The following OR2A12 variants were observed in gnomAD, a reference collection of about 807,000 sequenced individuals.
OR2A12 encodes the protein olfactory receptor 2A12.
For synonymous variants in OR2A12, 153 were observed against 149.3 expected (o/e 1.02, Z -0.18); for missense variants, 380 against 372.5 (o/e 1.02, Z -0.17).
intron 1 of OR2A12, among the ~76,000 whole-genome samples, chr7:144,090,466 G>A (rs2051219805): frequency 1.3e-5 from 2 of 151,926 alleles, no homozygotes; most frequent in African/African-American, 4.8e-5. Flanking sequence ...TAAAAATTAA[G>A]ATGAGATAAA....
chr7:144,095,035 G>GT (rs1229143786), intron 1 of OR2A12, 22 bp from the exon 2 acceptor site: 5 of 1,019,388 alleles, frequency 4.9e-6, no homozygotes, highest in African/African-American at 3.2e-5. Context: ...ATAATGAAAT[G>GT]TTTTTTATTT....
At chr7:144,088,292 G>A (rs1007442292) in intron 1 of OR2A12, among the ~76,000 whole-genome samples, 1 of 152,192 alleles carries the variant, frequency 6.6e-6, no homozygotes, top group African/African-American at 2.4e-5. Context: ...GATTACAGGT[G>A]TGAGCCACCG....
chr7:144,096,951 G>A lies in OR2A12; in HGVS notation c.*911G>A, dbSNP rs868072261. The A allele has an allele frequency of 7.2e-5, 11 of 152,000 alleles. No homozygotes were observed. The highest frequency in any genetic ancestry group is 2.7e-4 in the African/African-American group (11 of 41,380). The allele number at this position is 152,000 out of a possible 1,614,324, so 9.4% of individuals were successfully genotyped here. On this transcript the variant is annotated 3_prime_UTR_variant, in exon 2 of 2. Coordinates refer to ENST00000641592, the MANE Select transcript of OR2A12 (RefSeq NM_001004135.2). ...GAATCAGACACAAAAAAAATCACTT[G>A]TTTTTCTTGATTTCACTTTTTACTA... is the stretch of plus-strand genomic sequence containing the variant.
chr7:144,090,250 G>T (rs1436953033), intron 1 of OR2A12, among the ~76,000 whole-genome samples: 4 of 151,820 alleles, frequency 2.6e-5, no homozygotes, highest in Admixed American at 6.6e-5. Flanking sequence ...TAAATTTTAA[G>T]AGAATATAAC....
At chr7:144,087,120 A>C (rs1317895270) in intron 1 of OR2A12, among the ~76,000 whole-genome samples, 1 of 152,158 alleles carries the variant, frequency 6.6e-6, no homozygotes, top group African/African-American at 2.4e-5. Flanking sequence ...CAAATGAAGG[A>C]GGTGAAGCTC....
chr7:144,093,584 C>T (rs1036637766), intron 1 of OR2A12, among the ~76,000 whole-genome samples: 3 of 151,298 alleles, frequency 2.0e-5, no homozygotes, highest in Non-Finnish European at 1.5e-5. Flanking sequence ...CCCATTAACT[C>T]GTCATTTACA....
chr7:144,097,141 C>G lies in OR2A12; in HGVS notation c.*1101C>G, dbSNP rs1461195430. The G allele has an allele frequency of 6.6e-6, 1 of 151,730 alleles. No homozygotes were observed. The highest frequency in any genetic ancestry group is 2.4e-5 in the African/African-American group (1 of 41,264). The allele number at this position is 151,730 out of a possible 1,614,324, so 9.4% of individuals were successfully genotyped here. A position where few individuals can be genotyped will look rare whatever the true frequency, so the allele number is the denominator to read the frequency against. ...GACATTACTGTATATGTAGGAAATT[C>G]AAAAGAATTATAAGAAATTTTAAAG... On this transcript the variant is annotated 3_prime_UTR_variant, in exon 2 of 2. Coordinates refer to ENST00000641592, the MANE Select transcript of OR2A12 (RefSeq NM_001004135.2).
chr7:144,098,580 T>C lies in OR2A12; in HGVS notation c.*2540T>C, dbSNP rs776235291. ...CATAATCAATGGAAAATATAGAGTT[T>C]AAAAAAATAGGTTCTCTGGCTCCAG... On this transcript the variant is annotated 3_prime_UTR_variant, in exon 2 of 2. Transcript: ENST00000641592. 2.0e-5 allele frequency: 3 copies of C among 152,052 alleles called. No homozygotes were observed. The highest frequency in any genetic ancestry group is 4.4e-5 in the Non-Finnish European group (3 of 68,006). The allele number at this position is 152,052 out of a possible 1,614,324, so 9.4% of individuals were successfully genotyped here.
intron 1 of OR2A12, among the ~76,000 whole-genome samples, 174 bp from the exon 2 acceptor site, chr7:144,094,883 C>T (rs1439748588): frequency 6.6e-6 from 1 of 152,098 alleles, no homozygotes; most frequent in Non-Finnish European, 1.5e-5. Flanking sequence ...ATCATGAAAT[C>T]GCCTAGTTTT....
rs1314527212 is a variant in OR2A12 at position 144,097,781 on chromosome 7, A to C, written c.*1741A>C. 2 of 152,208 alleles carry C rather than the reference A, an allele frequency of 1.3e-5. No homozygotes were observed. The highest frequency in any genetic ancestry group is 2.9e-5 in the Non-Finnish European group (2 of 68,034). The allele number at this position is 152,208 out of a possible 1,614,324, so 9.4% of individuals were successfully genotyped here. ...AAGCTTTGAAGTAAATGGTGTTGGG[A>C]CAACCAAGTCTTTATAAAGATATTC... On this transcript the variant is annotated 3_prime_UTR_variant, in exon 2 of 2. Coordinates refer to ENST00000641592, the MANE Select transcript of OR2A12 (RefSeq NM_001004135.2).
chr7:144,095,133 C>T lies in OR2A12; in HGVS notation c.26C>T (p.Thr9Ile). The T allele has an allele frequency of 6.2e-7, 1 of 1,610,964 alleles. No individual in the cohort carries two copies. The highest frequency in any genetic ancestry group is 8.5e-7 in the Non-Finnish European group (1 of 1,178,492). The change falls in exon 2 of 2, where the codon ACA becomes ATA. Residue 9 changes from threonine (T) to isoleucine (I), a missense_variant. Thr to Ile is a moderately conservative substitution (Grantham distance 89). Coordinates refer to ENST00000641592, the MANE Select transcript of OR2A12 (RefSeq NM_001004135.2). ...ATGGAAAGCAATCAGACCTGGATCA[C>T]AGAAGTCATCCTGTTGGGATTCCAG... Reference protein sequence around the residue: MESNQTWITEVILLGFQVD... With the variant: MESNQTWIIEVILLGFQVD...
At position 144,096,248 on chromosome 7, in the gene OR2A12, A is replaced by G. The variant is rs963216744; in HGVS notation, c.*208A>G. ...CCTGGGCGGATTACCTGAGGTCAGG[A>G]GTTCGAGACCAGCCTAACCAACATG... On this transcript the variant is annotated 3_prime_UTR_variant, in exon 2 of 2. Coordinates refer to ENST00000641592, the MANE Select transcript of OR2A12 (RefSeq NM_001004135.2). The G allele has an allele frequency of 1.4e-5, 6 of 432,934 alleles. No individual in the cohort carries two copies. Among genetic ancestry groups the G allele is most frequent in the African/African-American group, 1.2e-4 (6 of 49,884 alleles). 26.8% of individuals were successfully genotyped at this position (432,934 alleles called of 1,614,324 possible).
chr7:144,096,723 A>G lies in OR2A12; in HGVS notation c.*683A>G, dbSNP rs1173559272. 1 of 152,196 alleles carries G rather than the reference A, an allele frequency of 6.6e-6. No homozygotes were observed. The highest frequency in any genetic ancestry group is 6.5e-5 in the Admixed American group (1 of 15,274). 9.4% of individuals were successfully genotyped at this position (152,196 alleles called of 1,614,324 possible). On this transcript the variant is annotated 3_prime_UTR_variant, in exon 2 of 2. Transcript: ENST00000641592. ...CAAACAACAAAAATAACTTCCCCAC[A>G]TTAACAAATTAAAGAATACATTTCA...
chr7:144,092,424 G>C (rs1292225883), intron 1 of OR2A12, among the ~76,000 whole-genome samples: 4 of 151,926 alleles, frequency 2.6e-5, no homozygotes, highest in Non-Finnish European at 5.9e-5. Context: ...AATGCCATTA[G>C]GCAGTATGGC....
At position 144,096,133 on chromosome 7, in the gene OR2A12, A is replaced by C; in HGVS notation, c.*93A>C. The C allele has an allele frequency of 1.1e-6, 1 of 907,098 alleles. No individual in the cohort carries two copies. Among genetic ancestry groups the C allele is most frequent in the Non-Finnish European group, 1.7e-6 (1 of 582,534 alleles). 56.2% of individuals were successfully genotyped at this position (907,098 alleles called of 1,614,324 possible). A position where few individuals can be genotyped will look rare whatever the true frequency, so the allele number is the denominator to read the frequency against. On this transcript the variant is annotated 3_prime_UTR_variant, in exon 2 of 2. Transcript: ENST00000641592. ...TTTAATTCTTTAATTTACCACACCC[A>C]ATACTGTTTATCTTTAGACTTCTTA...
intron 1 of OR2A12, among the ~76,000 whole-genome samples, chr7:144,091,796 T>C (rs898432135): frequency 6.6e-6 from 1 of 152,198 alleles, no homozygotes. Context: ...TTCCATTCTG[T>C]AGATTGTCTA....
chr7:144,092,798 T>C (rs2051235702), intron 1 of OR2A12, among the ~76,000 whole-genome samples: 1 of 152,174 alleles, frequency 6.6e-6, no homozygotes, highest in Admixed American at 6.5e-5. Flanking sequence ...ATTTTGCAGT[T>C]CTTTTGTAGG....
intron 1 of OR2A12, among the ~76,000 whole-genome samples, chr7:144,091,474 C>T (rs1303178309): frequency 6.6e-6 from 1 of 152,214 alleles, no homozygotes; most frequent in African/African-American, 2.4e-5. Flanking sequence ...TACATTCTCA[C>T]CAACAGTGTA....
chr7:144,091,259 C>T (rs571177631), intron 1 of OR2A12, among the ~76,000 whole-genome samples: 7 of 152,270 alleles, frequency 4.6e-5, no homozygotes, highest in East Asian at 3.9e-4. Context: ...GGTGTGATGG[C>T]GTGTGCCTGT....
Sources: gnomAD v4.1 joint callset for allele counts (sites outside exome capture counted in the v4.1 genomes callset) on GRCh38, gnomAD v4.1.1 for gene constraint, MANE v1.5 for transcripts, NCBI Gene and HGNC (gene_info 2026-07-23, HGNC 2026-07-21) for gene names.